RHBDD1: variants seen among roughly 807,000 people sequenced by gnomAD.
RHBDD1 encodes rhomboid-related protein 4.
RHBDD1 carries 38 observed loss-of-function variants against 36.3 expected under a neutral mutation model. The ratio of observed to expected loss-of-function variants is 1.05; its 90% CI spans 0.81 to 1.37. The LOEUF (loss-of-function observed/expected upper bound fraction) is 1.37, where lower values mean the gene tolerates loss of function less well. Among genes scored for constraint, RHBDD1 ranks in the 40% most tolerant of loss-of-function variants. The pLI is 0.00. For synonymous variants in RHBDD1, 151 were observed against 136.5 expected (o/e 1.11, Z -0.74); for missense variants, 393 against 377.6 (o/e 1.04, Z -0.34).
intron 7 of RHBDD1, among the ~76,000 whole-genome samples, chr2:226,909,252 A>G (rs534222395): frequency 5.1e-4 from 78 of 152,270 alleles, no homozygotes; most frequent in African/African-American, 1.8e-3. Flanking sequence ...CATCCTGTGT[A>G]TATTCAGGAA....
chr2:226,842,026 T>C (rs1474683562), intron 3 of RHBDD1, among the ~76,000 whole-genome samples: 3 of 152,160 alleles, frequency 2.0e-5, no homozygotes, highest in Non-Finnish European at 4.4e-5. Flanking sequence ...GTGGTTTTGA[T>C]TTGCATTTCT....
Position 226,864,960 on chromosome 2 carries a change from C to G in RHBDD1, c.267C>G (p.Leu89=), listed in dbSNP as rs1424204488. Residue 89 remains leucine (L), a synonymous_variant, in exon 4 of 9, where the codon CTC becomes CTG. Transcript: ENST00000392062. The stretch of plus-strand genomic sequence containing the variant: ...TGTATTTCAATATGGCATCCATGCT[C>G]TGGAAAGGAATAAATCTAGAAAGAA... ...WHLYFNMASM[L]WKGINLERRL... 2 of 1,614,196 alleles carry G rather than the reference C, an allele frequency of 1.2e-6. No individual in the cohort carries two copies. Among genetic ancestry groups the G allele is most frequent in the Non-Finnish European group, 1.7e-6 (2 of 1,180,024 alleles).
At chr2:226,843,343 G>T (rs1941878903) in intron 3 of RHBDD1, among the ~76,000 whole-genome samples, 1 of 152,162 alleles carries the variant, frequency 6.6e-6, no homozygotes, top group Non-Finnish European at 1.5e-5. Context: ...TCCTTGTCTT[G>T]TGCTGGTTTT....
chr2:226,979,976 G>T (rs889569029), intron 8 of RHBDD1, among the ~76,000 whole-genome samples: 4 of 152,180 alleles, frequency 2.6e-5, no homozygotes, highest in Non-Finnish European at 5.9e-5. Flanking sequence ...TGAATTTGGG[G>T]ACAGGACGAG....
At chr2:226,969,968 A>C (rs1328313144) in intron 8 of RHBDD1, among the ~76,000 whole-genome samples, 1 of 147,472 alleles carries the variant, frequency 6.8e-6, no homozygotes, top group Admixed American at 6.8e-5. Flanking sequence ...GGCAGTTTCT[A>C]TTTTCAGAAG....
At chr2:226,914,094 T>C in intron 7 of RHBDD1, 114 bp from the exon 8 acceptor site, 2 of 929,568 alleles carry the variant, frequency 2.2e-6, no homozygotes, top group Non-Finnish European at 3.3e-6. Flanking sequence ...TGAGGATAAT[T>C]ATTATACCTA....
At chr2:226,939,280 G>C (rs1357872028) in intron 8 of RHBDD1, among the ~76,000 whole-genome samples, 1 of 152,106 alleles carries the variant, frequency 6.6e-6, no homozygotes, top group Admixed American at 6.6e-5. Flanking sequence ...TCCGGCCAGG[G>C]CAATCGAACA....
chr2:226,801,350 A>G, the RHBDD1 span, among the ~76,000 whole-genome samples: 1 of 152,172 alleles, frequency 6.6e-6, no homozygotes, highest in South Asian at 2.1e-4. Flanking sequence ...GGTTGAGGGT[A>G]CCAAGGTAGG....
the RHBDD1 span, among the ~76,000 whole-genome samples, chr2:226,817,994 T>A: frequency 6.6e-6 from 1 of 152,148 alleles, no homozygotes; most frequent in Non-Finnish European, 1.5e-5. Flanking sequence ...GTTAAGGTTA[T>A]ACAAAGGCTA....
At chr2:226,907,032 C>T (rs1948112592) in intron 6 of RHBDD1, 151 bp downstream of exon 6, 3 of 772,844 alleles carry the variant, frequency 3.9e-6, no homozygotes, top group Non-Finnish European at 6.6e-6. Context: ...GTAAAACAAC[C>T]AGTGCAGTTC....
At position 226,839,523 on chromosome 2, in the gene RHBDD1, C is replaced by G. The variant is rs922872474; in HGVS notation, c.-195C>G. On this transcript the variant is annotated 5_prime_UTR_variant, in exon 3 of 9. Transcript: ENST00000392062. The stretch of plus-strand genomic sequence containing the variant: ...TTGGCAGCGATATTAGGAGGCGTGC[C>G]TAGGGAACCTCGGATTCCGGGGAGC... The G allele has an allele frequency of 6.6e-6, 1 of 152,084 alleles. No individual in the cohort carries two copies. The highest frequency in any genetic ancestry group is 2.4e-5 in the African/African-American group (1 of 41,382). 9.4% of individuals were successfully genotyped at this position (152,084 alleles called of 1,614,324 possible).
Position 226,988,546 on chromosome 2 carries a change from C to G in RHBDD1, c.857-6885C>G, listed in dbSNP as rs547814266. On this transcript the variant is annotated intron_variant, in intron 8 of 8. Coordinates refer to ENST00000392062, the MANE Select transcript of RHBDD1 (RefSeq NM_001167608.3). ...CTGCCCGCACTGTGCCAGGCTGGCC[C>G]TCTCTGCGGACTGGTGTGGAATCTG... The G allele has an allele frequency of 1.2e-5, 17 of 1,438,600 alleles. No homozygotes were observed. The East Asian group carries it at 4.0e-4, about 34-fold the overall frequency. 89.1% of individuals were successfully genotyped at this position (1,438,600 alleles called of 1,614,324 possible). A position where few individuals can be genotyped will look rare whatever the true frequency, so the allele number is the denominator to read the frequency against.
At chr2:226,902,459 C>G (rs577734552) in intron 5 of RHBDD1, among the ~76,000 whole-genome samples, 1 of 152,298 alleles carries the variant, frequency 6.6e-6, no homozygotes, top group African/African-American at 2.4e-5. Context: ...GCAGGTCCAT[C>G]TATCTTCTCG....
intron 5 of RHBDD1, among the ~76,000 whole-genome samples, chr2:226,890,900 T>C (rs1404446831): frequency 6.6e-6 from 1 of 152,146 alleles, no homozygotes; most frequent in Non-Finnish European, 1.5e-5. Context: ...TTTCTAATGG[T>C]GTACTTTAAG....
chr2:226,805,082 A>G, the RHBDD1 span: 1 of 152,060 alleles, frequency 6.6e-6, no homozygotes, highest in Non-Finnish European at 1.5e-5. Context: ...TTCCTTAACT[A>G]TTATATTCTC....
chr2:226,859,663 A>G (rs1379290743), intron 3 of RHBDD1, among the ~76,000 whole-genome samples: 2 of 152,158 alleles, frequency 1.3e-5, no homozygotes, highest in Non-Finnish European at 2.9e-5. Context: ...ATAATCCTGG[A>G]GCTACTGATT....
the RHBDD1 span, among the ~76,000 whole-genome samples, chr2:226,822,008 C>G: frequency 6.6e-6 from 1 of 152,116 alleles, no homozygotes; most frequent in East Asian, 1.9e-4. Context: ...ATGACTTACT[C>G]AAGGCCACAT....
rs185353410 is a variant in RHBDD1, at chr2:226,886,008, A to G, written c.566+18690A>G. Reference sequence around the variant, plus strand: ...AGACAGCGTGAGATTTCATCACAGTACTCAGAACAGTGTGTGATATAAAAC... The same window carrying G: ...AGACAGCGTGAGATTTCATCACAGTGCTCAGAACAGTGTGTGATATAAAAC... On this transcript the variant is annotated intron_variant, in intron 5 of 8. Coordinates refer to ENST00000392062, the MANE Select transcript of RHBDD1 (RefSeq NM_001167608.3). 3.5e-4 allele frequency among the ~76,000 whole-genome samples: 54 copies of G among 152,320 alleles called. 1 individual carries two copies. Among genetic ancestry groups the G allele is most frequent in the South Asian group, 2.3e-3 (11 of 4,824 alleles).
intron 5 of RHBDD1, among the ~76,000 whole-genome samples, chr2:226,891,931 G>T (rs1403710256): frequency 6.6e-6 from 1 of 152,192 alleles, no homozygotes; most frequent in Non-Finnish European, 1.5e-5. Flanking sequence ...ATTGGCCAGT[G>T]CAGGTCGCAT....
Sources: allele counts gnomAD v4.1 joint callset (sites outside exome capture counted in the v4.1 genomes callset), GRCh38; gene constraint gnomAD v4.1.1; transcripts MANE v1.5; gene names NCBI Gene and HGNC (gene_info 2026-07-23, HGNC 2026-07-21).